AGBL4: variants seen among roughly 807,000 people sequenced by gnomAD.
AGBL4 encodes the protein cytosolic carboxypeptidase 6.
In AGBL4, 58 loss-of-function variants were observed where a neutral mutation model predicts 66.4. That is an observed-to-expected ratio of 0.87 (90% confidence interval 0.71 to 1.09). AGBL4 has a LOEUF of 1.09. Ranked by LOEUF, AGBL4 falls within the 50% of genes least tolerant of loss-of-function variation. The pLI is 0.00. For synonymous variants in AGBL4, 234 were observed against 222.9 expected, an observed-to-expected ratio of 1.05 and a Z score of -0.44; for missense variants, 579 against 631.0, an observed-to-expected ratio of 0.92 and a Z score of 0.88.
At chr1:49,619,191 A>T (rs1182950072) in intron 3 of AGBL4, among the ~76,000 whole-genome samples, 1 of 152,236 alleles carries the variant, frequency 6.6e-6, no homozygotes, top group Non-Finnish European at 1.5e-5. Context: ...CTCTGTTTGC[A>T]GATGACATGA....
intron 3 of AGBL4, among the ~76,000 whole-genome samples, chr1:49,634,396 T>A (rs951756531): frequency 3.3e-5 from 5 of 152,176 alleles, no homozygotes; most frequent in African/African-American, 1.2e-4. Context: ...AATGAACCCA[T>A]CCTTTTTTAT....
At chr1:49,380,324 A>C (rs531408622) in intron 3 of AGBL4, among the ~76,000 whole-genome samples, 4 of 152,278 alleles carry the variant, frequency 2.6e-5, no homozygotes, top group Middle Eastern at 3.4e-3. Context: ...ACTACAAACC[A>C]CTGCTTAATG....
chr1:49,315,795 C>G lies in AGBL4; in HGVS notation c.283-69931G>C, dbSNP rs145442791. On this transcript the variant is annotated intron_variant, in intron 3 of 13. Transcript: ENST00000371839. ...AATGATTTGAAAGCTGATGTCCACACAAAAATCTGTGCATGAATGTTTATA... is the reference window on the plus strand; with the variant it reads ...AATGATTTGAAAGCTGATGTCCACAGAAAAATCTGTGCATGAATGTTTATA... 2.2e-3 allele frequency among the ~76,000 whole-genome samples: 339 copies of G among 152,020 alleles called. 4 individuals are homozygous for G. Among genetic ancestry groups the G allele is most frequent in the African/African-American group, 7.9e-3 (326 of 41,498 alleles).
rs560206648 is a variant in AGBL4 at position 48,750,244 on chromosome 1, C to T, written c.635-87003G>A. Among the ~76,000 whole-genome samples the T allele has an allele frequency of 2.0e-5, 3 of 152,278 alleles. No individual in the cohort carries two copies. In the South Asian group the frequency reaches 6.2e-4, roughly 32 times the overall value. On this transcript the variant is annotated intron_variant, in intron 6 of 13. Transcript: ENST00000371839. The stretch of plus-strand genomic sequence containing the variant: ...CCCAGCCCACTCCAATGGGGAAGTG[C>T]CCCCATGAACCACCTGTAGGAGGGG...
Position 50,023,846 on chromosome 1 carries a change from G to A in AGBL4, c.-50C>T. On this transcript the variant is annotated 5_prime_UTR_variant, in exon 1 of 14. Coordinates refer to ENST00000371839, the MANE Select transcript of AGBL4 (RefSeq NM_032785.4). ...CTCACGCGAAGACCGCGGGGCAGTA[G>A]GGAGCGGGTGGTGGGATCAGTGGGC... 6.5e-7 allele frequency: 1 copy of A among 1,537,336 alleles called. No homozygotes were observed. The highest frequency in any genetic ancestry group is 8.8e-7 in the Non-Finnish European group (1 of 1,140,356).
chr1:49,407,559 T>C (rs1002067839), intron 3 of AGBL4, among the ~76,000 whole-genome samples: 1 of 152,216 alleles, frequency 6.6e-6, no homozygotes, highest in African/African-American at 2.4e-5. Context: ...CTAATAGCTA[T>C]ACAGATTTTC....
At chr1:48,910,661 T>C (rs1570980087) in intron 5 of AGBL4, among the ~76,000 whole-genome samples, 2 of 151,778 alleles carry the variant, frequency 1.3e-5, no homozygotes, top group East Asian at 3.9e-4. Context: ...TTTTTTCTTT[T>C]CCCTTCAGTA....
chr1:49,714,457 G>A lies in AGBL4; in HGVS notation c.158-17020C>T, dbSNP rs567154429. ...TCCTACTTATAAATGAAAACAAGAG[G>A]TGTTTGACTTTATGTTTCTGAGTTA... On this transcript the variant is annotated intron_variant, in intron 2 of 13. Coordinates refer to ENST00000371839, the MANE Select transcript of AGBL4 (RefSeq NM_032785.4). Among the ~76,000 whole-genome samples, 4 of 151,780 alleles carry A rather than the reference G, an allele frequency of 2.6e-5. No homozygotes were observed. In the South Asian group the frequency reaches 8.3e-4, roughly 32 times the overall value.
At chr1:48,546,462 G>A (rs939024916) in intron 11 of AGBL4, among the ~76,000 whole-genome samples, 2 of 152,170 alleles carry the variant, frequency 1.3e-5, no homozygotes, top group Non-Finnish European at 2.9e-5. Context: ...CTTAAAGCGG[G>A]TGGAAGAGAA....
intron 3 of AGBL4, 51 bp downstream of exon 3, chr1:49,697,262 G>A: frequency 6.7e-7 from 1 of 1,488,776 alleles, no homozygotes. Context: ...GAAGACAAAA[G>A]CATATTATTC....
At chr1:49,894,678 TAGTG>T (rs1649007845) in intron 1 of AGBL4, among the ~76,000 whole-genome samples, 1 of 152,038 alleles carries the variant, frequency 6.6e-6, no homozygotes, top group East Asian at 1.9e-4. Flanking sequence ...AAGAAAGAAT[TAGTG>T]AGCTCAAAGA....
chr1:49,873,584 G>A (rs1646891973), intron 1 of AGBL4, among the ~76,000 whole-genome samples: 1 of 152,050 alleles, frequency 6.6e-6, no homozygotes, highest in African/African-American at 2.4e-5. Flanking sequence ...CTTATGTAAA[G>A]TGCTGATTTA....
chr1:48,730,420 C>T (rs1010174319), intron 6 of AGBL4, among the ~76,000 whole-genome samples: 4 of 152,166 alleles, frequency 2.6e-5, no homozygotes, highest in Non-Finnish European at 5.9e-5. Flanking sequence ...GCATTTCAAA[C>T]CAGAGAATCT....
intron 2 of AGBL4, among the ~76,000 whole-genome samples, chr1:49,835,251 G>T (rs191057569): frequency 6.6e-6 from 1 of 152,248 alleles, no homozygotes; most frequent in East Asian, 1.9e-4. Flanking sequence ...GAATCTGGGT[G>T]CTCCTATATT....
chr1:49,756,998 A>C (rs920663964), intron 2 of AGBL4, among the ~76,000 whole-genome samples: 2 of 152,152 alleles, frequency 1.3e-5, no homozygotes, highest in Admixed American at 1.3e-4. Flanking sequence ...CCAAAGCCTA[A>C]TCTTGAATTG....
At chr1:49,059,288 C>T (rs913491372) in intron 4 of AGBL4, among the ~76,000 whole-genome samples, 5 of 152,270 alleles carry the variant, frequency 3.3e-5, no homozygotes, top group African/African-American at 1.2e-4. Flanking sequence ...CAAAGTACAG[C>T]TTGGACCATC....
At chr1:48,715,667 C>A (rs1453309340) in intron 6 of AGBL4, among the ~76,000 whole-genome samples, 2 of 146,418 alleles carry the variant, frequency 1.4e-5, no homozygotes, top group Non-Finnish European at 3.0e-5. Context: ...AATTTAATAA[C>A]CACAAATGCC....
At chr1:49,651,914 A>C (rs1404313546) in intron 3 of AGBL4, among the ~76,000 whole-genome samples, 1 of 152,178 alleles carries the variant, frequency 6.6e-6, no homozygotes, top group African/African-American at 2.4e-5. Context: ...TATTGTAAGA[A>C]AGCTCAATGA....
At chr1:49,850,313 T>C in intron 2 of AGBL4, among the ~76,000 whole-genome samples, 1 of 152,146 alleles carries the variant, frequency 6.6e-6, no homozygotes, top group East Asian at 1.9e-4. Context: ...GCTAACAACC[T>C]GTAGGAAGCT....
Sources: gnomAD v4.1 joint callset for allele counts (sites outside exome capture counted in the v4.1 genomes callset) on GRCh38, gnomAD v4.1.1 for gene constraint, MANE v1.5 for transcripts, NCBI Gene and HGNC (gene_info 2026-07-23, HGNC 2026-07-21) for gene names.